MAX: variants seen among roughly 807,000 people sequenced by gnomAD.
MAX encodes protein max.
Under a neutral mutation model 22.3 loss-of-function variants are expected in MAX, and 3 were observed. That is an observed-to-expected ratio of 0.13 (90% CI 0.06 to 0.35). MAX has a LOEUF of 0.35. Ranked by LOEUF, MAX falls within the 10% of genes least tolerant of loss-of-function variation. The pLI is 1.00. For synonymous variants in MAX, 72 were observed against 77.7 expected (o/e 0.93, Z 0.39); for missense variants, 119 against 209.4 (o/e 0.57, Z 2.66).
chr14:65,038,965 A>T (rs553144709), intron 3 of MAX, among the ~76,000 whole-genome samples: 2 of 152,116 alleles, frequency 1.3e-5, no homozygotes, highest in African/African-American at 4.8e-5. Flanking sequence ...ATAATATTTT[A>T]TCTAAAGATA....
intron 3 of MAX, among the ~76,000 whole-genome samples, chr14:65,020,732 C>T (rs1012205529): frequency 1.8e-5 from 2 of 112,738 alleles, no homozygotes; most frequent in African/African-American, 5.9e-5. Flanking sequence ...CCGCGCCCGG[C>T]CTTTTTTTTT....
chr14:65,090,675 T>C (rs1244579174), intron 3 of MAX: 2 of 152,084 alleles, frequency 1.3e-5, no homozygotes, highest in Admixed American at 6.6e-5. Context: ...CAACTAATTT[T>C]TGTATTTTTT....
intron 2 of MAX, among the ~76,000 whole-genome samples, chr14:65,096,252 C>A (rs539071194): frequency 1.3e-5 from 2 of 152,308 alleles, no homozygotes; most frequent in East Asian, 3.9e-4. Flanking sequence ...CCAATCCCTG[C>A]TGCCATGTCC....
At position 65,044,080 on chromosome 14, in the gene MAX, T is replaced by C. The variant is rs1230697706; in HGVS notation, c.172-37796A>G. Among the ~76,000 whole-genome samples the C allele has an allele frequency of 2.0e-5, 3 of 152,130 alleles. No homozygotes were observed. Among genetic ancestry groups the C allele is most frequent in the African/African-American group, 4.8e-5 (2 of 41,418 alleles). Reference sequence around the variant, plus strand: ...GGAAAAGGTAGTTGTCTGCCAGGCATTGAGCAGAGATCAGTGCTGGATGCC... The same window carrying C: ...GGAAAAGGTAGTTGTCTGCCAGGCACTGAGCAGAGATCAGTGCTGGATGCC... On this transcript the variant is annotated intron_variant, in intron 3 of 3. Coordinates refer to the MAX transcript ENST00000341653. The surrounding 1 kb of genome is among the most constrained non-coding windows in gnomAD (Gnocchi z 5.5).
chr14:65,066,588 C>A (rs1327946119), intron 3 of MAX, among the ~76,000 whole-genome samples: 1 of 152,188 alleles, frequency 6.6e-6, no homozygotes. Flanking sequence ...GGTGTGGTGG[C>A]TCACGCCTGT....
At chr14:65,073,927 T>C (rs1382438603), downstream of MAX, among the ~76,000 whole-genome samples, 2 of 152,228 alleles carry the variant, frequency 1.3e-5, no homozygotes, top group African/African-American at 2.4e-5. Context: ...ACTGGTTTAC[T>C]GAAATCTAGA....
At position 65,077,318 on chromosome 14, in the gene MAX, G is replaced by A; in HGVS notation, c.295+595C>T. 6.5e-7 allele frequency: 1 copy of A among 1,529,896 alleles called. No individual in the cohort carries two copies. Among genetic ancestry groups the A allele is most frequent in the Non-Finnish European group, 9.1e-7 (1 of 1,104,754 alleles). 94.8% of individuals were successfully genotyped at this position (1,529,896 alleles called of 1,614,324 possible). A position where few individuals can be genotyped will look rare whatever the true frequency, so the allele number is the denominator to read the frequency against. On this transcript the variant is annotated intron_variant, in intron 4 of 4. Coordinates refer to ENST00000358664, the MANE Select transcript of MAX (RefSeq NM_002382.5). This position sits in a 1 kb window ranked among gnomAD's most constrained non-coding sequence, Gnocchi z 6.3. Reference sequence around the variant, plus strand: ...TTTATTTTATTTTATTTTATTTGAGGTTTTCTAACCCAGGTGGTTACTTGC... The same window carrying A: ...TTTATTTTATTTTATTTTATTTGAGATTTTCTAACCCAGGTGGTTACTTGC...
rs2063408107 is a variant in MAX, at chr14:65,088,577, C to A, written c.171+5131G>T. On this transcript the variant is annotated intron_variant, in intron 3 of 4. Coordinates refer to ENST00000358664, the MANE Select transcript of MAX (RefSeq NM_002382.5). This position sits in a 1 kb window ranked among gnomAD's most constrained non-coding sequence, Gnocchi z 5.2. ...TCAGATATGCTATAGACATAGGTTA[C>A]CGAATGAACTGTCAGCCTTAAACGC... Among the ~76,000 whole-genome samples the A allele has an allele frequency of 2.0e-5, 3 of 152,174 alleles. No individual in the cohort carries two copies. The South Asian group carries it at 6.2e-4, about 32-fold the overall frequency.
At position 65,032,859 on chromosome 14, in the gene MAX, C is replaced by A. The variant is rs574336167; in HGVS notation, c.172-26575G>T. Reference sequence around the variant, plus strand: ...TTTTTTTAAATACTTAAAATGTCTTCTTTTTTCCAAACTTTCTTTAATGTT... The same window carrying A: ...TTTTTTTAAATACTTAAAATGTCTTATTTTTTCCAAACTTTCTTTAATGTT... On this transcript the variant is annotated intron_variant, in intron 3 of 3. Transcript: ENST00000341653. The surrounding 1 kb of genome is among the most constrained non-coding windows in gnomAD (Gnocchi z 5.0). Among the ~76,000 whole-genome samples, 98 of 152,272 alleles carry A rather than the reference C, an allele frequency of 6.4e-4. 1 individual carries two copies. Among genetic ancestry groups the A allele is most frequent in the South Asian group, 5.8e-3 (28 of 4,834 alleles).
Position 65,044,235 on chromosome 14 carries a change from G to C in MAX, c.172-37951C>G, listed in dbSNP as rs1313098418. On this transcript the variant is annotated intron_variant, in intron 3 of 3. Coordinates refer to the MAX transcript ENST00000341653. The surrounding 1 kb of genome is among the most constrained non-coding windows in gnomAD (Gnocchi z 5.5). ...TGGGAAACCCTCCATCCCACAGATT[G>C]ACTCCTGGAGATTCTGTCGGGCTGG... is the stretch of plus-strand genomic sequence containing the variant. 2.5e-6 allele frequency: 4 copies of C among 1,600,346 alleles called. No homozygotes were observed. Among genetic ancestry groups the C allele is most frequent in the Admixed American group, 1.8e-5 (1 of 55,808 alleles).
downstream of MAX, among the ~76,000 whole-genome samples, chr14:65,074,264 C>A (rs987553256): frequency 9.2e-5 from 14 of 152,228 alleles, no homozygotes; most frequent in African/African-American, 3.4e-4. Context: ...TTCCTTACTG[C>A]AGTTTCTTTC....
At chr14:65,061,910 C>G (rs1302100853) in intron 3 of MAX, 1 of 154,428 alleles carries the variant, frequency 6.5e-6, no homozygotes, top group Non-Finnish European at 1.4e-5. Context: ...CACTTCAACA[C>G]TGGAGAACTG....
At chr14:65,090,987 C>T in intron 3 of MAX, among the ~76,000 whole-genome samples, 1 of 152,116 alleles carries the variant, frequency 6.6e-6, no homozygotes, top group East Asian at 1.9e-4. Flanking sequence ...ACGCATATGA[C>T]AGATAATCCA....
chr14:65,066,761 C>T (rs1161802123), intron 3 of MAX, among the ~76,000 whole-genome samples: 1 of 148,224 alleles, frequency 6.7e-6, no homozygotes, highest in Non-Finnish European at 1.5e-5. Flanking sequence ...GGCTTAGAGG[C>T]TTAGGTAGGA....
intron 3 of MAX, among the ~76,000 whole-genome samples, chr14:65,092,432 AAGAG>A (rs2063535235): frequency 6.6e-6 from 1 of 152,222 alleles, no homozygotes; most frequent in Admixed American, 6.5e-5. Flanking sequence ...AAAGAAGCCT[AAGAG>A]ATAATCTTTG....
chr14:65,033,327 G>A (rs1186350187), intron 3 of MAX, among the ~76,000 whole-genome samples: 1 of 152,150 alleles, frequency 6.6e-6, no homozygotes, highest in Non-Finnish European at 1.5e-5. Flanking sequence ...GAAGAATCAT[G>A]TGGTAATAAT....
At position 65,077,537 on chromosome 14, in the gene MAX, G is replaced by C; in HGVS notation, c.295+376C>G. On this transcript the variant is annotated intron_variant, in intron 4 of 4. Transcript: ENST00000358664. The surrounding 1 kb of genome is among the most constrained non-coding windows in gnomAD (Gnocchi z 6.3). ...ACAATGGGGAGGGCTCACTGTCCCTGAACACCTGGAGTCTCTGGTACTTAC... is the reference window on the plus strand; with the variant it reads ...ACAATGGGGAGGGCTCACTGTCCCTCAACACCTGGAGTCTCTGGTACTTAC... The C allele has an allele frequency of 1.1e-6, 1 of 941,188 alleles. No individual in the cohort carries two copies. The allele number at this position is 941,188 out of a possible 1,614,324, so 58.3% of individuals were successfully genotyped here.
chr14:65,046,552 G>A (rs2062483610), intron 3 of MAX, among the ~76,000 whole-genome samples: 1 of 152,186 alleles, frequency 6.6e-6, no homozygotes, highest in African/African-American at 2.4e-5. Flanking sequence ...GGAAAAGGGT[G>A]CCTATGAATC....
At chr14:65,071,244 C>T (rs1397297539), downstream of MAX, among the ~76,000 whole-genome samples, 2 of 151,958 alleles carry the variant, frequency 1.3e-5, no homozygotes, top group East Asian at 1.9e-4. This position sits in a 1 kb window ranked among gnomAD's most constrained non-coding sequence, Gnocchi z 4.2. Flanking sequence ...TGGGTTCAAG[C>T]GATTCTCCTG....
Sources: allele counts gnomAD v4.1 joint callset (sites outside exome capture counted in the v4.1 genomes callset), GRCh38; gene constraint gnomAD v4.1.1; non-coding constraint Gnocchi (gnomAD v3.1); transcripts MANE v1.5; gene names NCBI Gene and HGNC (gene_info 2026-07-23, HGNC 2026-07-21).